Variants in COA1 observed in about 807,000 individuals in gnomAD.
COA1 encodes cytochrome c oxidase assembly factor 1 homolog.
COA1 carries 13 observed loss-of-function variants against 16.0 expected under a neutral mutation model. The ratio of observed to expected loss-of-function variants is 0.81; its 90% CI spans 0.53 to 1.29. The LOEUF is 1.29. Among genes scored for constraint, COA1 ranks in the 50% most tolerant of loss-of-function variants. The pLI, the probability that COA1 is intolerant of heterozygous loss-of-function variation, is 0.00. For synonymous variants in COA1, 65 were observed against 65.7 expected (o/e 0.99, Z 0.05); for missense variants, 179 against 177.0 (o/e 1.01, Z -0.06).
At chr7:43,682,158 G>C (rs997869963) in intron 1 of COA1, among the ~76,000 whole-genome samples, 1 of 152,098 alleles carries the variant, frequency 6.6e-6, no homozygotes, top group African/African-American at 2.4e-5. Context: ...TGAACAACAG[G>C]AATAGATCAA....
chr7:43,626,607 A>C (rs1432579835), intron 6 of COA1: 1 of 152,198 alleles, frequency 6.6e-6, no homozygotes, highest in Non-Finnish European at 1.5e-5. Context: ...GAAGAAGTTA[A>C]ACACAGTATT....
intron 1 of COA1, among the ~76,000 whole-genome samples, chr7:43,688,473 A>G (rs970594434): frequency 6.6e-6 from 1 of 152,166 alleles, no homozygotes; most frequent in African/African-American, 2.4e-5. Flanking sequence ...TAACTTTATC[A>G]AATGTATCAC....
intron 1 of COA1, among the ~76,000 whole-genome samples, chr7:43,677,696 G>A (rs902701715): frequency 6.6e-6 from 1 of 151,460 alleles, no homozygotes; most frequent in Non-Finnish European, 1.5e-5. Flanking sequence ...CTACTCAGGA[G>A]GCTGAGGCAA....
intron 1 of COA1, among the ~76,000 whole-genome samples, chr7:43,678,870 C>T (rs1563342604): frequency 6.6e-6 from 1 of 152,166 alleles, no homozygotes; most frequent in East Asian, 1.9e-4. Flanking sequence ...GAGAATATAA[C>T]ATGGTGCAGC....
At chr7:43,699,818 G>A (rs2094650303) in intron 1 of COA1, among the ~76,000 whole-genome samples, 1 of 152,034 alleles carries the variant, frequency 6.6e-6, no homozygotes, top group Non-Finnish European at 1.5e-5. Context: ...CAGGAGGTGC[G>A]GAATTCTTGA....
chr7:43,615,547 A>G (rs1450307163), intron 6 of COA1, among the ~76,000 whole-genome samples: 1 of 152,226 alleles, frequency 6.6e-6, no homozygotes, highest in Non-Finnish European at 1.5e-5. Context: ...GAGGACTCAT[A>G]GTCATGATGG....
At chr7:43,632,515 G>T (rs1563191443) in intron 6 of COA1, 1 of 152,186 alleles carries the variant, frequency 6.6e-6, no homozygotes, top group Non-Finnish European at 1.5e-5. Context: ...GTTTTGAACT[G>T]ACTGCCCAGA....
At chr7:43,647,155 C>G (rs1015803189) in intron 3 of COA1, 3 of 250,554 alleles carry the variant, frequency 1.2e-5, no homozygotes, top group Non-Finnish European at 2.3e-5. Context: ...CAAAAAAAGT[C>G]TGACAATGCT....
chr7:43,653,237 G>A (rs949901785), intron 1 of COA1, among the ~76,000 whole-genome samples: 1 of 152,050 alleles, frequency 6.6e-6, no homozygotes, highest in South Asian at 2.1e-4. Flanking sequence ...GCGTGAACCC[G>A]GGAGGTGGAG....
At chr7:43,706,980 G>C (rs1244183363) in intron 1 of COA1, among the ~76,000 whole-genome samples, 1 of 152,124 alleles carries the variant, frequency 6.6e-6, no homozygotes, top group Non-Finnish European at 1.5e-5. Flanking sequence ...AGACCAGCCT[G>C]GCCAACATGG....
intron 4 of COA1, 35 bp downstream of exon 4, chr7:43,645,216 G>GCAC: frequency 6.2e-7 from 1 of 1,607,910 alleles, no homozygotes; most frequent in African/African-American, 1.3e-5. Flanking sequence ...CCTTCAGCAG[G>GCAC]CACCAGCCTG....
At chr7:43,688,398 A>G (rs2094132057) in intron 1 of COA1, among the ~76,000 whole-genome samples, 1 of 152,296 alleles carries the variant, frequency 6.6e-6, no homozygotes, top group Admixed American at 6.5e-5. Context: ...TTAATAGTAT[A>G]TAGTTGTTTT....
intron 1 of COA1, among the ~76,000 whole-genome samples, chr7:43,709,093 A>T (rs1181581): frequency 2.7e-5 from 4 of 150,712 alleles, no homozygotes; most frequent in African/African-American, 9.8e-5. Context: ...GCACGATCTC[A>T]GCTCAGTGCA....
intron 1 of COA1, among the ~76,000 whole-genome samples, chr7:43,726,124 T>C (rs1395633937): frequency 6.6e-6 from 1 of 152,134 alleles, no homozygotes; most frequent in African/African-American, 2.4e-5. Flanking sequence ...TAATGCAGCA[T>C]ATGAAACATG....
In COA1 at chr7:43,663,403, T is replaced by C. The variant is rs1275613484; in HGVS notation, c.-38-14751A>G. 2.0e-5 allele frequency among the ~76,000 whole-genome samples: 3 copies of C among 152,200 alleles called. No homozygotes were observed. The East Asian group carries it at 5.8e-4, about 29-fold the overall frequency. On this transcript the variant is annotated intron_variant, in intron 1 of 5. Coordinates refer to ENST00000223336, the MANE Select transcript of COA1 (RefSeq NM_018224.4). The stretch of plus-strand genomic sequence containing the variant: ...AGTCTAGTCTATGCCACTGATCTAT[T>C]TGTCAATCCTTGTGACAATACCACT...
chr7:43,711,485 G>C (rs1356675202), intron 1 of COA1: 1 of 152,092 alleles, frequency 6.6e-6, no homozygotes, highest in East Asian at 1.9e-4. Context: ...GAGAGAAAGA[G>C]AATCTCTGAT....
chr7:43,691,054 CAAA>C (rs1173049196), intron 1 of COA1, among the ~76,000 whole-genome samples: 1 of 40,024 alleles, frequency 2.5e-5, no homozygotes, highest in African/African-American at 1.0e-4. Flanking sequence ...CTCATCACTA[CAAA>C]AAAAAAAAAA....
chr7:43,664,811 G>T (rs936509718), intron 1 of COA1, among the ~76,000 whole-genome samples: 1 of 152,130 alleles, frequency 6.6e-6, no homozygotes, highest in Non-Finnish European at 1.5e-5. Context: ...CATCAGCTAG[G>T]ATCAGCTCTC....
chr7:43,624,136 G>T (rs1428420254), intron 6 of COA1, among the ~76,000 whole-genome samples: 1 of 152,130 alleles, frequency 6.6e-6, no homozygotes, highest in Non-Finnish European at 1.5e-5. Flanking sequence ...CAGTATAACA[G>T]GATTTAAATA....
Sources: allele counts gnomAD v4.1 joint callset (sites outside exome capture counted in the v4.1 genomes callset), GRCh38; gene constraint gnomAD v4.1.1; transcripts MANE v1.5; gene names NCBI Gene and HGNC (gene_info 2026-07-23, HGNC 2026-07-21).